TENM3: variants seen among roughly 807,000 people sequenced by gnomAD.
TENM3 encodes teneurin-3.
A neutral mutation model predicts 255.1 loss-of-function variants in TENM3; 63 were observed. That is an observed-to-expected ratio of 0.25 (90% CI 0.20 to 0.30). TENM3 has a LOEUF of 0.30. Among genes scored for constraint, TENM3 ranks in the 10% least tolerant of loss-of-function variants. TENM3 has a pLI of 1.00. For missense variants in TENM3, 2,929 were observed against 3,461.1 expected (o/e 0.85, Z 3.86); for synonymous variants, 1,306 against 1,322.3 (o/e 0.99, Z 0.27).
At chr4:182,690,591 G>A (rs188138686) in intron 12 of TENM3, among the ~76,000 whole-genome samples, 1 of 152,172 alleles carries the variant, frequency 6.6e-6, no homozygotes, top group African/African-American at 2.4e-5. Flanking sequence ...CTGACTGTAT[G>A]TATCTTAGGA....
In TENM3 at chr4:182,479,059, G is replaced by A. The variant is rs539007112; in HGVS notation, c.512-121865G>A. 5.9e-5 allele frequency among the ~76,000 whole-genome samples: 9 copies of A among 151,766 alleles called. No homozygotes were observed. The East Asian group carries it at 1.7e-3, about 29-fold the overall frequency. ...TTTCAATTTTTTGAAAATTGTAGTT[G>A]GAAACTAAAAGATTCAGTACGTAAA... On this transcript the variant is annotated intron_variant, in intron 3 of 27. Coordinates refer to ENST00000511685, the MANE Select transcript of TENM3 (RefSeq NM_001080477.4).
At chr4:182,678,602 A>C (rs1218580175) in intron 7 of TENM3, among the ~76,000 whole-genome samples, 2 of 152,186 alleles carry the variant, frequency 1.3e-5, no homozygotes, top group Non-Finnish European at 1.5e-5. Context: ...AGCCAACCCC[A>C]CCATTACCAG....
intron 6 of TENM3, among the ~76,000 whole-genome samples, chr4:182,656,173 T>C (rs1000964389): frequency 6.6e-6 from 1 of 152,134 alleles, no homozygotes; most frequent in African/African-American, 2.4e-5. Flanking sequence ...ATATAGGGAA[T>C]GGTTAACGGA....
chr4:181,450,111 G>A, the TENM3 span, among the ~76,000 whole-genome samples: 20,040 of 152,056 alleles, frequency 0.13, 1,496 homozygotes, highest in East Asian at 0.28. Context: ...TTAAAGAATA[G>A]CATCCCTTAG....
intron 1 of TENM3, among the ~76,000 whole-genome samples, chr4:182,189,410 T>C (rs1436821239): frequency 2.0e-5 from 3 of 152,162 alleles, no homozygotes; most frequent in Admixed American, 6.5e-5. Flanking sequence ...ATCCGTAATA[T>C]TGCAGCCAAC....
the TENM3 span, among the ~76,000 whole-genome samples, chr4:181,956,995 C>T: frequency 4.6e-5 from 7 of 152,236 alleles, no homozygotes; most frequent in South Asian, 1.5e-3. Flanking sequence ...AGCGATAACT[C>T]TGTAAATTAT....
At position 182,621,361 on chromosome 4, in the gene TENM3, C is replaced by G. The variant is rs531962742; in HGVS notation, c.750-7290C>G. ...ATTATGCACGTACATCACCAAGGCCCCAGTCTGATATACACAATCGGATTG... is the reference window on the plus strand; with the variant it reads ...ATTATGCACGTACATCACCAAGGCCGCAGTCTGATATACACAATCGGATTG... On this transcript the variant is annotated intron_variant, in intron 4 of 27. Transcript: ENST00000511685. Among the ~76,000 whole-genome samples the G allele has an allele frequency of 5.1e-4, 78 of 151,616 alleles. No individual in the cohort carries two copies. The South Asian group carries it at 0.016, about 30-fold the overall frequency.
chr4:181,553,627 G>C, the TENM3 span, among the ~76,000 whole-genome samples: 1,625 of 152,026 alleles, frequency 0.011, 29 homozygotes, highest in African/African-American at 0.037. Context: ...ATTTTTAGTA[G>C]AGACGGGGTT....
intron 5 of TENM3, among the ~76,000 whole-genome samples, chr4:182,646,155 C>G (rs919394826): frequency 2.6e-5 from 4 of 152,192 alleles, no homozygotes; most frequent in African/African-American, 9.6e-5. Flanking sequence ...AGAGGTAAGA[C>G]ATACTACTTT....
At chr4:181,929,309 T>C in the TENM3 span, among the ~76,000 whole-genome samples, 1 of 146,074 alleles carries the variant, frequency 6.8e-6, no homozygotes, top group African/African-American at 2.6e-5. Context: ...ACACATAAGC[T>C]CAAAATAAAG....
chr4:181,531,264 T>C, the TENM3 span, among the ~76,000 whole-genome samples: 4 of 152,136 alleles, frequency 2.6e-5, no homozygotes, highest in Non-Finnish European at 5.9e-5. Context: ...ACGATGATCA[T>C]CTGAGCAGTG....
intron 20 of TENM3, among the ~76,000 whole-genome samples, chr4:182,753,118 T>A (rs1762492663): frequency 6.6e-6 from 1 of 151,956 alleles, no homozygotes. Context: ...AGTTTTTTTG[T>A]GTGTTTTTTA....
chr4:182,040,905 C>T, the TENM3 span, among the ~76,000 whole-genome samples: 3 of 152,126 alleles, frequency 2.0e-5, no homozygotes, highest in Non-Finnish European at 4.4e-5. Flanking sequence ...AAATGGGACT[C>T]ACTGTTTGAC....
chr4:181,805,512 T>C, the TENM3 span, among the ~76,000 whole-genome samples: 9 of 152,134 alleles, frequency 5.9e-5, no homozygotes, highest in Non-Finnish European at 1.2e-4. Flanking sequence ...ATCCGCAGAC[T>C]AGCTCCTGTT....
At chr4:181,592,658 C>A in the TENM3 span, among the ~76,000 whole-genome samples, 1 of 118,540 alleles carries the variant, frequency 8.4e-6, no homozygotes, top group South Asian at 2.7e-4. Context: ...TGCTGAAAAT[C>A]TCTCTTTTTT....
At chr4:182,473,681 T>A (rs1047593659) in intron 3 of TENM3, among the ~76,000 whole-genome samples, 8 of 129,838 alleles carry the variant, frequency 6.2e-5, no homozygotes, top group East Asian at 2.0e-4. Flanking sequence ...TAAAAAAAAA[T>A]AAAATAAAAT....
intron 3 of TENM3, among the ~76,000 whole-genome samples, chr4:182,452,761 A>T (rs1188330324): frequency 2.6e-5 from 4 of 152,216 alleles, no homozygotes; most frequent in Non-Finnish European, 5.9e-5. Context: ...TGCATTAGAA[A>T]TTTATTATGC....
the TENM3 span, among the ~76,000 whole-genome samples, chr4:181,604,242 G>A: frequency 6.6e-5 from 10 of 152,170 alleles, 1 homozygote; most frequent in Admixed American, 1.3e-4. Flanking sequence ...TCCAGCCTGG[G>A]CGACAGAGCG....
At chr4:182,360,186 A>C (rs1265955942) in intron 3 of TENM3, among the ~76,000 whole-genome samples, 1 of 135,330 alleles carries the variant, frequency 7.4e-6, no homozygotes, top group Non-Finnish European at 1.6e-5. Flanking sequence ...GCTGAAAAAA[A>C]TGTATATTCT....
Sources: gnomAD v4.1 joint callset for allele counts (sites outside exome capture counted in the v4.1 genomes callset) on GRCh38, gnomAD v4.1.1 for gene constraint, MANE v1.5 for transcripts, NCBI Gene and HGNC (gene_info 2026-07-23, HGNC 2026-07-21) for gene names.